TUBAL3: variants seen among roughly 807,000 people sequenced by gnomAD.
TUBAL3 encodes the protein tubulin alpha chain-like 3.
A neutral mutation model predicts 15.5 loss-of-function variants in TUBAL3; 16 were observed. The observed-to-expected ratio is 1.04, with a 90% confidence interval of 0.70 to 1.57. The LOEUF (loss-of-function observed/expected upper bound fraction) is 1.57, where lower values mean the gene tolerates loss of function less well. Among genes scored for constraint, TUBAL3 ranks in the 40% most tolerant of loss-of-function variants. TUBAL3 has a pLI of 0.00. For synonymous variants in TUBAL3, 238 were observed against 224.3 expected, an observed-to-expected ratio of 1.06 and a Z score of -0.55; for missense variants, 609 against 576.2, an observed-to-expected ratio of 1.06 and a Z score of -0.58.
At chr10:5,404,025 C>T (rs1831896353) in intron 1 of TUBAL3, among the ~76,000 whole-genome samples, 1 of 152,176 alleles carries the variant, frequency 6.6e-6, no homozygotes, top group Non-Finnish European at 1.5e-5. Context: ...CAAAATCACA[C>T]CCAGAATGTT....
At chr10:5,403,039 T>C (rs1045636592) in intron 1 of TUBAL3, among the ~76,000 whole-genome samples, 13 of 152,122 alleles carry the variant, frequency 8.5e-5, no homozygotes, top group Non-Finnish European at 1.8e-4. Flanking sequence ...GTACTTTGTC[T>C]CTGTGATTCA....
chr10:5,394,416 A>G lies in TUBAL3; in HGVS notation c.442T>C (p.Phe148Leu). 1 of 1,612,898 alleles carries G rather than the reference A, an allele frequency of 6.2e-7. No individual in the cohort carries two copies. The highest frequency in any genetic ancestry group is 1.3e-5 in the African/African-American group (1 of 74,942). The change falls in exon 4 of 4, where the codon TTT becomes CTT. Residue 148 changes from phenylalanine (F) to leucine (L), a missense_variant. Transcript: ENST00000380419. The surrounding 1 kb of genome is among the most constrained non-coding windows in gnomAD (Gnocchi z 4.3). ...AACCCTGAACCAGTGCCTCCTCCAA[A>G]GCTTCGGAAAATCAAAAATCCCTGA... ...GLQGFLIFRS[F>L]GGGTGSGFTS...
chr10:5,395,193 C>T lies in TUBAL3; in HGVS notation c.396+134G>A. On this transcript the variant is annotated intron_variant, in intron 3 of 3. Coordinates refer to ENST00000380419, the MANE Select transcript of TUBAL3 (RefSeq NM_024803.3). This position sits in a 1 kb window ranked among gnomAD's most constrained non-coding sequence, Gnocchi z 4.6. ...CCAAGATGAGAACCCCTCCCCAGTT[C>T]TGAGCACCCAGACCAGAGCCCAGGG... is the stretch of plus-strand genomic sequence containing the variant. 1 of 970,588 alleles carries T rather than the reference C, an allele frequency of 1.0e-6. No homozygotes were observed. The highest frequency in any genetic ancestry group is 1.4e-6 in the Non-Finnish European group (1 of 700,986). The allele number at this position is 970,588 out of a possible 1,614,324, so 60.1% of individuals were successfully genotyped here. A position where few individuals can be genotyped will look rare whatever the true frequency, so the allele number is the denominator to read the frequency against.
At chr10:5,401,919 G>T (rs1479829110) in intron 1 of TUBAL3, among the ~76,000 whole-genome samples, 1 of 151,952 alleles carries the variant, frequency 6.6e-6, no homozygotes, top group Non-Finnish European at 1.5e-5. Context: ...TTTATATATT[G>T]TTGAGCATTT....
Position 5,393,552 on chromosome 10 carries a change from C to G in TUBAL3, c.1306G>C (p.Glu436Gln), listed in dbSNP as rs782611776. ...LEAREDLAAL[E>Q]RDYEEVAQSF Reference sequence around the variant, plus strand: ...TGCGCCACTTCCTCATAGTCCCTCTCCAGGGCTGCCAGATCTTCCCTGGCC... The same window carrying G: ...TGCGCCACTTCCTCATAGTCCCTCTGCAGGGCTGCCAGATCTTCCCTGGCC... The change falls in exon 4 of 4, where the codon GAG (glutamate) becomes CAG (glutamine). Residue 436 changes from glutamate (E) to glutamine (Q), a missense_variant. Coordinates refer to ENST00000380419, the MANE Select transcript of TUBAL3 (RefSeq NM_024803.3). 1.2e-6 allele frequency: 2 copies of G among 1,613,318 alleles called. No homozygotes were observed.
chr10:5,397,086 T>C lies in TUBAL3; in HGVS notation c.248-1611A>G, dbSNP rs782093138. On this transcript the variant is annotated intron_variant, in intron 2 of 3. Coordinates refer to ENST00000380419, the MANE Select transcript of TUBAL3 (RefSeq NM_024803.3). The surrounding 1 kb of genome is among the most constrained non-coding windows in gnomAD (Gnocchi z 4.9). The stretch of plus-strand genomic sequence containing the variant: ...CAATGATAGAACTGGCTTCATGACA[T>C]GCATTTATGCAGATTTACCTCATTA... 1.4e-4 allele frequency among the ~76,000 whole-genome samples: 22 copies of C among 152,220 alleles called. No individual in the cohort carries two copies. Among genetic ancestry groups the C allele is most frequent in the Non-Finnish European group, 2.8e-4 (19 of 68,040 alleles).
Position 5,395,519 on chromosome 10 carries a change from T to A in TUBAL3, c.248-44A>T, listed in dbSNP as rs1398061455. ...GGTCAGTGCAACTCACCCAGTGCAA[T>A]TCAGCCGTCCACCTGCTGCTAGTCC... On this transcript the variant is annotated intron_variant, in intron 2 of 3. Transcript: ENST00000380419. The surrounding 1 kb of genome is among the most constrained non-coding windows in gnomAD (Gnocchi z 4.6). The A allele has an allele frequency of 1.4e-6, 2 of 1,379,522 alleles. No homozygotes were observed. Among genetic ancestry groups the A allele is most frequent in the Admixed American group, 2.6e-5 (1 of 38,350 alleles). The allele number at this position is 1,379,522 out of a possible 1,614,324, so 85.5% of individuals were successfully genotyped here. A position where few individuals can be genotyped will look rare whatever the true frequency, so the allele number is the denominator to read the frequency against.
At chr10:5,404,497 G>T (rs1452261582) in intron 1 of TUBAL3, among the ~76,000 whole-genome samples, 4 of 152,064 alleles carry the variant, frequency 2.6e-5, no homozygotes, top group Non-Finnish European at 5.9e-5. Context: ...CTAAAACAAA[G>T]GTGAAAACTA....
intron 2 of TUBAL3, among the ~76,000 whole-genome samples, chr10:5,399,862 C>T (rs1554814488): frequency 6.6e-6 from 1 of 152,180 alleles, no homozygotes; most frequent in African/African-American, 2.4e-5. Context: ...GAGCTGTCAC[C>T]TCTGAGCCCC....
intron 2 of TUBAL3, among the ~76,000 whole-genome samples, chr10:5,400,409 G>T (rs558547459): frequency 1.3e-5 from 2 of 152,206 alleles, no homozygotes; most frequent in South Asian, 4.1e-4. Flanking sequence ...AGGCAGGTGG[G>T]TCACTTGAGG....
intron 2 of TUBAL3, among the ~76,000 whole-genome samples, chr10:5,398,640 G>A (rs1180242452): frequency 8.6e-5 from 13 of 152,010 alleles, no homozygotes; most frequent in African/African-American, 2.7e-4. Flanking sequence ...ATGACTCCCC[G>A]GTTATTCATT....
At chr10:5,402,995 G>A (rs1554814778) in intron 1 of TUBAL3, among the ~76,000 whole-genome samples, 1 of 152,190 alleles carries the variant, frequency 6.6e-6, no homozygotes, top group Non-Finnish European at 1.5e-5. Flanking sequence ...AATCTGACTT[G>A]GACTCTGTTC....
rs375383101 is a variant in TUBAL3, at chr10:5,393,936, G to A, written c.922C>T (p.Gln308Ter). 8 of 1,614,104 alleles carry A rather than the reference G, an allele frequency of 5.0e-6. No homozygotes were observed. The African/African-American group carries it at 6.7e-5, about 13-fold the overall frequency. The change falls in exon 4 of 4, where the codon CAG becomes TAG. Residue 308 changes from glutamine to a stop codon, truncating the protein, a stop_gained. Transcript: ENST00000380419. LOFTEE classifies it low-confidence loss of function (END_TRUNC). ...ITTACFESSN[Q>*]LVKCDPRLGK... ...AGCCGAGGATCACACTTGACCAGCT[G>A]GTTGGAGGACTCAAAGCAGGCAGTG...
chr10:5,393,637 GGC>G lies in TUBAL3; in HGVS notation c.1219_1220del (p.Ala407GlnfsTer33). Reference protein sequence around the residue: ...RLDHKFDLMYAKRAFLHWYLR... With the variant: ...RLDHKFDLMYXKRAFLHWYLR... ...GGTACCAGTGCAGAAATGCTCTCTTGGCGTACATGAGGTCAAACTTGTGGTCC... is the reference window on the plus strand; with the variant it reads ...GGTACCAGTGCAGAAATGCTCTCTTGGTACATGAGGTCAAACTTGTGGTCC... On this transcript the variant is annotated frameshift_variant, in exon 4 of 4. Transcript: ENST00000380419. LOFTEE classifies it low-confidence loss of function (END_TRUNC). The G allele has an allele frequency of 6.2e-7, 1 of 1,614,130 alleles. No individual in the cohort carries two copies. The highest frequency in any genetic ancestry group is 8.5e-7 in the Non-Finnish European group (1 of 1,180,032).
rs897812529 is a variant in TUBAL3, at chr10:5,397,096, C to T, written c.248-1621G>A. 6.6e-6 allele frequency among the ~76,000 whole-genome samples: 1 copy of T among 152,134 alleles called. No individual in the cohort carries two copies. The highest frequency in any genetic ancestry group is 6.5e-5 in the Admixed American group (1 of 15,276). On this transcript the variant is annotated intron_variant, in intron 2 of 3. Coordinates refer to ENST00000380419, the MANE Select transcript of TUBAL3 (RefSeq NM_024803.3). The surrounding 1 kb of genome is among the most constrained non-coding windows in gnomAD (Gnocchi z 4.9). ...ACTGGCTTCATGACATGCATTTATG[C>T]AGATTTACCTCATTATACACCACCA...
intron 1 of TUBAL3, among the ~76,000 whole-genome samples, chr10:5,403,940 G>A (rs1554814846): frequency 6.6e-6 from 1 of 152,300 alleles, no homozygotes; most frequent in Admixed American, 6.5e-5. Flanking sequence ...ATGCAGCTGT[G>A]AGAAATAACA....
rs1257659920 is a variant in TUBAL3 at position 5,395,628 on chromosome 10, C to G, written c.248-153G>C. ...TGGAATTTAGATAGTGCTGAATTAG[C>G]CCGTCTTAGTCCAGGAGAAGTGGAA... On this transcript the variant is annotated intron_variant, in intron 2 of 3. Coordinates refer to ENST00000380419, the MANE Select transcript of TUBAL3 (RefSeq NM_024803.3). This position sits in a 1 kb window ranked among gnomAD's most constrained non-coding sequence, Gnocchi z 4.6. Among the ~76,000 whole-genome samples the G allele has an allele frequency of 2.6e-5, 4 of 152,156 alleles. No individual in the cohort carries two copies. The highest frequency in any genetic ancestry group is 2.6e-4 in the Admixed American group (4 of 15,272).
chr10:5,402,264 G>T (rs1554814703), intron 1 of TUBAL3, among the ~76,000 whole-genome samples: 2 of 151,984 alleles, frequency 1.3e-5, no homozygotes, highest in African/African-American at 4.8e-5. Context: ...AACAGACAAT[G>T]ATCTACGTTT....
chr10:5,394,349 CT>C lies in TUBAL3; in HGVS notation c.508del (p.Arg170GlufsTer20). On this transcript the variant is annotated frameshift_variant, in exon 4 of 4. Coordinates refer to ENST00000380419, the MANE Select transcript of TUBAL3 (RefSeq NM_024803.3). LOFTEE classifies it low-confidence loss of function (END_TRUNC). The surrounding 1 kb of genome is among the most constrained non-coding windows in gnomAD (Gnocchi z 4.3). Reference protein sequence around the residue: ...LMERLTGEYSRKTKLEFSVYP... With the variant: ...LMERLTGEYSXKTKLEFSVYP... ...GACCGAGAACTCCAGCTTAGTCTTT[CT>C]GCTATATTCTCCTGTGAGCCTCTCC... The C allele has an allele frequency of 6.2e-7, 1 of 1,614,170 alleles. No homozygotes were observed. Among genetic ancestry groups the C allele is most frequent in the Non-Finnish European group, 8.5e-7 (1 of 1,180,040 alleles).
Sources: allele counts gnomAD v4.1 joint callset (sites outside exome capture counted in the v4.1 genomes callset), GRCh38; gene constraint gnomAD v4.1.1; non-coding constraint Gnocchi (gnomAD v3.1); transcripts MANE v1.5; gene names NCBI Gene and HGNC (gene_info 2026-07-23, HGNC 2026-07-21).